NIBAN1: variants seen among roughly 807,000 people sequenced by gnomAD.
NIBAN1 encodes the protein protein Niban 1.
Under a neutral mutation model 75.1 loss-of-function variants are expected in NIBAN1, and 81 were observed. The ratio of observed to expected loss-of-function variants is 1.08; its 90% confidence interval spans 0.90 to 1.30. The LOEUF is 1.30. Among genes scored for constraint, NIBAN1 ranks in the 50% most tolerant of loss-of-function variants. The probability of loss-of-function intolerance (pLI) is 0.00; values close to 1 mark genes in which losing one functional copy is unlikely to be tolerated. For synonymous variants in NIBAN1, 436 were observed against 424.8 expected (o/e 1.03, Z -0.32); for missense variants, 1,133 against 1,128.1 (o/e 1.00, Z -0.06).
rs144180799 is a variant in NIBAN1 at position 184,960,437 on chromosome 1, A to AT, written c.55+13864dup. ...TCTAAGATATTCATTACAGTTTAAA[A>AT]TTTTTTCTTCTCCTTTCATTCATGC... On this transcript the variant is annotated intron_variant, in intron 1 of 13. Transcript: ENST00000367511. 8.8e-3 allele frequency among the ~76,000 whole-genome samples: 1,344 copies of AT among 152,216 alleles called. 29 individuals carry two copies. Among genetic ancestry groups the AT allele is most frequent in the African/African-American group, 0.031 (1,276 of 41,502 alleles).
chr1:184,971,948 A>G (rs1658947713), intron 1 of NIBAN1, among the ~76,000 whole-genome samples: 1 of 152,244 alleles, frequency 6.6e-6, no homozygotes, highest in Non-Finnish European at 1.5e-5. Context: ...AATCCTAAGA[A>G]ACAATGTATT....
chr1:184,857,612 GTTC>G (rs1655712582), intron 5 of NIBAN1, among the ~76,000 whole-genome samples: 1 of 152,090 alleles, frequency 6.6e-6, no homozygotes, highest in Admixed American at 6.6e-5. Flanking sequence ...AGTGGAAAAT[GTTC>G]TTATTAAAGA....
chr1:184,834,110 T>C (rs1354250490), intron 5 of NIBAN1, among the ~76,000 whole-genome samples: 1 of 151,978 alleles, frequency 6.6e-6, no homozygotes, highest in Non-Finnish European at 1.5e-5. Context: ...CATGCAGTGT[T>C]TGGTTTTCTG....
Position 184,960,711 on chromosome 1 carries a change from C to T in NIBAN1, c.55+13591G>A, listed in dbSNP as rs1658613035. On this transcript the variant is annotated intron_variant, in intron 1 of 13. Coordinates refer to ENST00000367511, the MANE Select transcript of NIBAN1 (RefSeq NM_052966.4). ...TGGCACAGTCTCGGCTCACTGCAGC[C>T]TCCACACTGCAGGTTCAAGTGATTC... is the stretch of plus-strand genomic sequence containing the variant. 3.9e-5 allele frequency among the ~76,000 whole-genome samples: 6 copies of T among 152,112 alleles called. No individual in the cohort carries two copies. In the South Asian group the frequency reaches 1.2e-3, roughly 31 times the overall value.
intron 1 of NIBAN1, among the ~76,000 whole-genome samples, chr1:184,949,360 A>T (rs538607917): frequency 2.0e-5 from 3 of 152,352 alleles, no homozygotes; most frequent in African/African-American, 4.8e-5. Context: ...TCCGTCTCAA[A>T]AAATAAATAA....
chr1:184,829,526 G>C (rs894329961), intron 6 of NIBAN1, among the ~76,000 whole-genome samples: 5 of 148,702 alleles, frequency 3.4e-5, no homozygotes, highest in Admixed American at 2.7e-4. Flanking sequence ...GAGTAGGGTG[G>C]CATGATCTTG....
intron 10 of NIBAN1, among the ~76,000 whole-genome samples, chr1:184,807,052 G>C (rs998020810): frequency 6.6e-6 from 1 of 152,136 alleles, no homozygotes; most frequent in Middle Eastern, 3.2e-3. Flanking sequence ...TTACAGGCGT[G>C]AGCCACTGTG....
chr1:184,831,765 T>C lies in NIBAN1; in HGVS notation c.717+82A>G, dbSNP rs962911159. On this transcript the variant is annotated intron_variant, in intron 6 of 13. Transcript: ENST00000367511. ...CCATACTTGCAACTTTTCTGTTTGA[T>C]TGTTTAATAAAATGACCCTGACTTC... 9.3e-6 allele frequency: 9 copies of C among 971,976 alleles called. No homozygotes were observed. The African/African-American group carries it at 1.3e-4, about 14-fold the overall frequency. 60.2% of individuals were successfully genotyped at this position (971,976 alleles called of 1,614,324 possible).
At chr1:184,929,575 C>T (rs1657770578) in intron 1 of NIBAN1, among the ~76,000 whole-genome samples, 1 of 151,828 alleles carries the variant, frequency 6.6e-6, no homozygotes, top group Non-Finnish European at 1.5e-5. Flanking sequence ...ATTTTTTTCA[C>T]CTCCAAAAAA....
intron 1 of NIBAN1, among the ~76,000 whole-genome samples, chr1:184,911,306 T>C (rs1052928736): frequency 4.6e-5 from 7 of 152,182 alleles, no homozygotes; most frequent in Non-Finnish European, 1.0e-4. Context: ...TGCCAATGTG[T>C]TTCACAATAC....
intron 6 of NIBAN1, among the ~76,000 whole-genome samples, chr1:184,831,455 G>A (rs958107317): frequency 6.6e-6 from 1 of 152,126 alleles, no homozygotes; most frequent in African/African-American, 2.4e-5. Flanking sequence ...GGTTAAATAA[G>A]TTGGCATGAC....
At chr1:184,973,947 TGGC>T (rs1659002945) in intron 1 of NIBAN1, among the ~76,000 whole-genome samples, 1 of 152,156 alleles carries the variant, frequency 6.6e-6, no homozygotes, top group Non-Finnish European at 1.5e-5. Flanking sequence ...GCTGCTCTCT[TGGC>T]GGCCAGTTCA....
intron 1 of NIBAN1, among the ~76,000 whole-genome samples, chr1:184,947,928 A>T (rs1360662695): frequency 6.6e-6 from 1 of 152,202 alleles, no homozygotes; most frequent in Non-Finnish European, 1.5e-5. Flanking sequence ...ATGACCTTTA[A>T]ATTCCCTTCC....
chr1:184,836,817 A>G (rs186383491), intron 5 of NIBAN1, among the ~76,000 whole-genome samples: 5 of 152,390 alleles, frequency 3.3e-5, no homozygotes, highest in Admixed American at 2.0e-4. Context: ...CATAAAGGAA[A>G]AAAGATCTAA....
chr1:184,885,167 G>A (rs1272394938), intron 4 of NIBAN1, among the ~76,000 whole-genome samples: 1 of 152,244 alleles, frequency 6.6e-6, no homozygotes, highest in East Asian at 1.9e-4. Flanking sequence ...TCCTGCCTCA[G>A]CCTCCTGAGT....
intron 5 of NIBAN1, chr1:184,868,129 C>G (rs1482482317): frequency 1.2e-6 from 1 of 860,968 alleles, no homozygotes; most frequent in East Asian, 1.2e-4. Flanking sequence ...TTGCTCCTTC[C>G]TAACTTCCAA....
At chr1:184,867,488 A>C (rs1319620940) in intron 5 of NIBAN1, among the ~76,000 whole-genome samples, 3 of 152,128 alleles carry the variant, frequency 2.0e-5, no homozygotes. Context: ...AAGCCTGGAG[A>C]AGAAAAAAAG....
intron 1 of NIBAN1, among the ~76,000 whole-genome samples, chr1:184,954,438 G>A (rs1658432742): frequency 6.6e-6 from 1 of 152,158 alleles, no homozygotes; most frequent in Non-Finnish European, 1.5e-5. Context: ...ATTTCCTTGT[G>A]AGTTTAACCA....
At chr1:184,940,983 C>A (rs1024932784) in intron 1 of NIBAN1, among the ~76,000 whole-genome samples, 1 of 152,212 alleles carries the variant, frequency 6.6e-6, no homozygotes, top group African/African-American at 2.4e-5. Context: ...TCCGGACACA[C>A]GTCAGTCTAT....
Sources: allele counts gnomAD v4.1 joint callset (sites outside exome capture counted in the v4.1 genomes callset), GRCh38; gene constraint gnomAD v4.1.1; transcripts MANE v1.5; gene names NCBI Gene and HGNC (gene_info 2026-07-23, HGNC 2026-07-21).